DRD3: variants seen among roughly 807,000 people sequenced by gnomAD.
DRD3 encodes the protein dopamine receptor D3, also known as D(3) dopamine receptor.
A neutral mutation model predicts 36.3 loss-of-function variants in DRD3; 19 were observed. The ratio of observed to expected loss-of-function variants is 0.52; its 90% CI spans 0.36 to 0.77. DRD3 has a LOEUF of 0.77. DRD3 is among the 30% of genes least tolerant of loss of function. DRD3 has a pLI of 0.00. For synonymous variants in DRD3, 195 were observed against 203.7 expected, an observed-to-expected ratio of 0.96 and a Z score of 0.36; for missense variants, 465 against 505.3, an observed-to-expected ratio of 0.92 and a Z score of 0.77.
chr3:114,131,679 G>T (rs2077432689), intron 5 of DRD3, among the ~76,000 whole-genome samples: 1 of 152,132 alleles, frequency 6.6e-6, no homozygotes, highest in Admixed American at 6.6e-5. Context: ...TCTGACAAAG[G>T]TCTAATATCC....
chr3:114,139,500 T>C lies in DRD3; in HGVS notation c.723A>G (p.Gln241=), dbSNP rs143568474. 6 of 1,612,758 alleles carry C rather than the reference T, an allele frequency of 3.7e-6. No individual in the cohort carries two copies. The highest frequency in any genetic ancestry group is 1.3e-5 in the African/African-American group (1 of 74,894). The change falls in exon 5 of 7, where the codon CAA becomes CAG. Residue 241 remains glutamine (Q), a splice_region_variant and synonymous_variant. Transcript: ENST00000383673. ...CCTCTACCCCCTCCAGGGTACTTAC[T>C]TGCTGGGGGAAGCCAGGCCTGACAC... ...CNSVRPGFPQ[Q]TLSPDPAHLE... is the part of the protein sequence containing the mutation.
At chr3:114,162,776 A>G (rs324029) in intron 2 of DRD3, among the ~76,000 whole-genome samples, 90,784 of 151,960 alleles carry the variant, frequency 0.6, 29,233 homozygotes, top group East Asian at 0.72. Context: ...GTGAGGAGGG[A>G]TAGTTGTTGG....
chr3:114,168,597 C>G (rs1179478769), intron 2 of DRD3, among the ~76,000 whole-genome samples: 1 of 151,888 alleles, frequency 6.6e-6, no homozygotes, highest in Non-Finnish European at 1.5e-5. Context: ...GCTGTCCCTA[C>G]CCATCCTATT....
intron 3 of DRD3, among the ~76,000 whole-genome samples, chr3:114,155,249 T>A (rs1338249456): frequency 6.6e-6 from 1 of 152,214 alleles, no homozygotes; most frequent in Non-Finnish European, 1.5e-5. Flanking sequence ...TGCAAACTGC[T>A]GTGAAGAATA....
At position 114,147,271 on chromosome 3, in the gene DRD3, G is replaced by T. The variant is rs1577593496; in HGVS notation, c.526+144C>A. ...TTATTTATAACCCACAAAGGCCAAA[G>T]CTTTGCATTCTGTGGCATTCTCATT... On this transcript the variant is annotated intron_variant, in intron 4 of 6. Transcript: ENST00000383673. The T allele has an allele frequency of 2.8e-6, 3 of 1,084,254 alleles. No homozygotes were observed. The African/African-American group carries it at 4.7e-5, about 17-fold the overall frequency. The allele number at this position is 1,084,254 out of a possible 1,614,324, so 67.2% of individuals were successfully genotyped here. A position where few individuals can be genotyped will look rare whatever the true frequency, so the allele number is the denominator to read the frequency against.
chr3:114,159,169 G>A (rs2077709133), intron 3 of DRD3, among the ~76,000 whole-genome samples: 1 of 152,048 alleles, frequency 6.6e-6, no homozygotes, highest in African/African-American at 2.4e-5. Context: ...ATTCACCCCA[G>A]CAACCAAAAT....
chr3:114,190,253 C>G (rs1262738507), intron 1 of DRD3, among the ~76,000 whole-genome samples: 1 of 151,028 alleles, frequency 6.6e-6, no homozygotes. Flanking sequence ...GGTGGTGAAG[C>G]AGCTCTTTCT....
chr3:114,140,470 C>T (rs923700555), intron 4 of DRD3, among the ~76,000 whole-genome samples: 1 of 152,152 alleles, frequency 6.6e-6, no homozygotes, highest in African/African-American at 2.4e-5. Context: ...GGGCCTGAAA[C>T]GTGCCCCATC....
At position 114,190,441 on chromosome 3, in the gene DRD3, TATATATATATATATATATATA is replaced by T. The variant is rs1266571590; in HGVS notation, c.-156+8811_-156+8831del. On this transcript the variant is annotated intron_variant, in intron 1 of 7. Transcript: ENST00000460779. Reference sequence around the variant, plus strand: ...ATATATATATATATATATATATATATATATATATATATATATATATATTTTTTTTTTTTTTTTTTTTTTTTT... The same window carrying T: ...ATATATATATATATATATATATATATTTTTTTTTTTTTTTTTTTTTTTTTT... 4.9e-3 allele frequency among the ~76,000 whole-genome samples: 56 copies of T among 11,466 alleles called. 1 individual carries two copies. The highest frequency in any genetic ancestry group is 0.015 in the African/African-American group (33 of 2,180). The allele number at this position is 11,466 out of a possible 152,430, so 7.5% of individuals were successfully genotyped here.
rs1240025299 is a variant in DRD3 at position 114,156,799 on chromosome 3, C to CTTTCTTTCTT, written c.383+2955_383+2956insAAGAAAGAAA. On this transcript the variant is annotated intron_variant, in intron 3 of 6. Coordinates refer to ENST00000383673, the MANE Select transcript of DRD3 (RefSeq NM_000796.6). ...TCTTTCTTTCTTTCTTTCTTTCTTT[C>CTTTCTTTCTT]TCTTTTCTTTTTCTTTCTTTTTTCT... Among the ~76,000 whole-genome samples, 823 of 91,356 alleles carry CTTTCTTTCTT rather than the reference C, an allele frequency of 9.0e-3. 3 individuals carry two copies. Among genetic ancestry groups the CTTTCTTTCTT allele is most frequent in the East Asian group, 0.019 (61 of 3,156 alleles). 59.9% of individuals were successfully genotyped at this position (91,356 alleles called of 152,430 possible).
At chr3:114,182,146 A>C (rs897485087), upstream of DRD3, among the ~76,000 whole-genome samples, 9 of 152,186 alleles carry the variant, frequency 5.9e-5, no homozygotes, top group South Asian at 2.1e-4. Flanking sequence ...GTGTAAATGA[A>C]AGTTGGCAAA....
intron 4 of DRD3, among the ~76,000 whole-genome samples, chr3:114,141,198 A>AT (rs1432981331): frequency 6.6e-6 from 1 of 151,918 alleles, no homozygotes; most frequent in African/African-American, 2.4e-5. Context: ...TGCCCAGCTA[A>AT]TTTTTTTGTA....
intron 1 of DRD3, among the ~76,000 whole-genome samples, chr3:114,186,284 T>C (rs943804351): frequency 6.6e-6 from 1 of 152,160 alleles, no homozygotes; most frequent in Non-Finnish European, 1.5e-5. Context: ...TGTGCCACCA[T>C]GCCCGGTTAA....
At chr3:114,174,270 G>A (rs2077876194) in intron 1 of DRD3, among the ~76,000 whole-genome samples, 1 of 152,166 alleles carries the variant, frequency 6.6e-6, no homozygotes, top group Non-Finnish European at 1.5e-5. Flanking sequence ...AGGCCCAAAT[G>A]TCTTCCCTTT....
chr3:114,168,556 GCT>G (rs150328361), intron 2 of DRD3, among the ~76,000 whole-genome samples: 215 of 146,362 alleles, frequency 1.5e-3, no homozygotes, highest in Non-Finnish European at 1.7e-3. Context: ...GAAAGTGCAT[GCT>G]CTCTCTCTCT....
At chr3:114,177,322 T>A (rs1304755045) in intron 1 of DRD3, among the ~76,000 whole-genome samples, 1 of 152,166 alleles carries the variant, frequency 6.6e-6, no homozygotes. Context: ...CATAGCATAT[T>A]TATGTATTTG....
In DRD3 at chr3:114,154,921, G is replaced by T. The variant is rs940059259; in HGVS notation, c.383+4834C>A. 5.9e-5 allele frequency among the ~76,000 whole-genome samples: 9 copies of T among 152,208 alleles called. No individual in the cohort carries two copies. In the South Asian group the frequency reaches 1.4e-3, roughly 25 times the overall value. On this transcript the variant is annotated intron_variant, in intron 3 of 6. Transcript: ENST00000383673. ...GAGGCAAGGAGCTAAAGGAGTGGGGGCTTGTGCTCCGAGGACTTCCCACTC... is the reference window on the plus strand; with the variant it reads ...GAGGCAAGGAGCTAAAGGAGTGGGGTCTTGTGCTCCGAGGACTTCCCACTC...
At chr3:114,149,610 C>T (rs1295067072) in intron 3 of DRD3, among the ~76,000 whole-genome samples, 2 of 152,172 alleles carry the variant, frequency 1.3e-5, no homozygotes, top group Non-Finnish European at 2.9e-5. Context: ...GATCAGATTA[C>T]TGATCAGTTG....
At chr3:114,135,633 C>T (rs2077467899) in intron 5 of DRD3, among the ~76,000 whole-genome samples, 1 of 151,918 alleles carries the variant, frequency 6.6e-6, no homozygotes, top group African/African-American at 2.4e-5. Flanking sequence ...TTCATTTTAT[C>T]TGAATGCCTA....
Sources: allele counts gnomAD v4.1 joint callset (sites outside exome capture counted in the v4.1 genomes callset), GRCh38; gene constraint gnomAD v4.1.1; transcripts MANE v1.5; gene names NCBI Gene and HGNC (gene_info 2026-07-23, HGNC 2026-07-21).